EXOC4: variants seen among roughly 807,000 people sequenced by gnomAD.
EXOC4 encodes SEC8-like 1.
A neutral mutation model predicts 107.2 loss-of-function variants in EXOC4; 71 were observed. The ratio of observed to expected loss-of-function variants is 0.66; its 90% CI spans 0.55 to 0.81. EXOC4 has a LOEUF of 0.81. Ranked by LOEUF, EXOC4 falls within the 30% of genes least tolerant of loss-of-function variation. The pLI, the probability that EXOC4 is intolerant of heterozygous loss-of-function variation, is 0.00. For synonymous variants in EXOC4, 456 were observed against 441.2 expected, an observed-to-expected ratio of 1.03 and a Z score of -0.42; for missense variants, 1,108 against 1,189.6, an observed-to-expected ratio of 0.93 and a Z score of 1.01.
At chr7:133,503,508 T>C (rs1799613311) in intron 9 of EXOC4, among the ~76,000 whole-genome samples, 1 of 152,104 alleles carries the variant, frequency 6.6e-6, no homozygotes, top group African/African-American at 2.4e-5. Flanking sequence ...TGATGAAGAG[T>C]ATCTATCACT....
At chr7:133,591,956 A>T (rs1315375242) in intron 9 of EXOC4, among the ~76,000 whole-genome samples, 1 of 152,072 alleles carries the variant, frequency 6.6e-6, no homozygotes, top group African/African-American at 2.4e-5. Context: ...ATTTTTTTCC[A>T]CTCAGTACTC....
At chr7:133,507,742 A>C (rs1799692521) in intron 9 of EXOC4, among the ~76,000 whole-genome samples, 1 of 152,186 alleles carries the variant, frequency 6.6e-6, no homozygotes, top group Admixed American at 6.5e-5. Flanking sequence ...TGAAGTATAA[A>C]GTGTTAAGTT....
At chr7:134,020,297 G>A (rs906461442) in intron 17 of EXOC4, among the ~76,000 whole-genome samples, 2 of 152,146 alleles carry the variant, frequency 1.3e-5, no homozygotes, top group Non-Finnish European at 2.9e-5. Flanking sequence ...TAGGGCTTGG[G>A]CATCTGCGGC....
At chr7:133,624,333 C>T (rs546101572) in intron 9 of EXOC4, among the ~76,000 whole-genome samples, 1 of 152,196 alleles carries the variant, frequency 6.6e-6, no homozygotes, top group South Asian at 2.1e-4. Context: ...TGGGTACTCC[C>T]TACTACTTTG....
In EXOC4 at chr7:133,855,106, TATATATAA is replaced by T. The variant is rs1798335425; in HGVS notation, c.1734+37570_1734+37577del. Among the ~76,000 whole-genome samples the T allele has an allele frequency of 9.0e-5, 9 of 100,316 alleles. 1 individual carries two copies. The highest frequency in any genetic ancestry group is 1.9e-4 in the Admixed American group (2 of 10,298). The allele number at this position is 100,316 out of a possible 152,430, so 65.8% of individuals were successfully genotyped here. A position where few individuals can be genotyped will look rare whatever the true frequency, so the allele number is the denominator to read the frequency against. Reference sequence around the variant, plus strand: ...AAATATATATAAATATATATATAAATATATATAAATATATATATATAAATATATATATA... The same window carrying T: ...AAATATATATAAATATATATATAAATATATATATATATAAATATATATATA... On this transcript the variant is annotated intron_variant, in intron 11 of 17. Coordinates refer to ENST00000253861, the MANE Select transcript of EXOC4 (RefSeq NM_021807.4).
intron 11 of EXOC4, among the ~76,000 whole-genome samples, chr7:133,823,382 CAG>C (rs1797571462): frequency 6.6e-6 from 1 of 152,110 alleles, no homozygotes; most frequent in African/African-American, 2.4e-5. Flanking sequence ...ATTGGTTGCT[CAG>C]GGGTGGGGCG....
At chr7:133,402,460 G>A (rs1004723331) in intron 7 of EXOC4, among the ~76,000 whole-genome samples, 1 of 152,114 alleles carries the variant, frequency 6.6e-6, no homozygotes, top group African/African-American at 2.4e-5. Flanking sequence ...TTTAATTCAG[G>A]ATTTCTTGGG....
At chr7:133,672,930 C>G (rs914724865) in intron 10 of EXOC4, among the ~76,000 whole-genome samples, 1 of 152,140 alleles carries the variant, frequency 6.6e-6, no homozygotes, top group Non-Finnish European at 1.5e-5. Context: ...ATGGGTTACT[C>G]GATTAGCCTT....
At chr7:133,405,622 A>G (rs971016330) in intron 7 of EXOC4, among the ~76,000 whole-genome samples, 1 of 152,204 alleles carries the variant, frequency 6.6e-6, no homozygotes, top group Non-Finnish European at 1.5e-5. Context: ...GATAATTTCC[A>G]GGCTCCTCAG....
At chr7:133,324,147 CTT>C (rs1316760594) in intron 5 of EXOC4, among the ~76,000 whole-genome samples, 1 of 152,040 alleles carries the variant, frequency 6.6e-6, no homozygotes, top group Non-Finnish European at 1.5e-5. Flanking sequence ...TTTTGTTGGT[CTT>C]TTCAAAAAAT....
intron 10 of EXOC4, among the ~76,000 whole-genome samples, chr7:133,644,582 A>G (rs188610202): frequency 2.0e-5 from 3 of 152,284 alleles, no homozygotes; most frequent in Admixed American, 1.3e-4. Flanking sequence ...TGAAGGAGTC[A>G]TATTATTTCT....
chr7:134,057,783 C>A (rs1033182287), intron 17 of EXOC4, among the ~76,000 whole-genome samples: 1 of 151,964 alleles, frequency 6.6e-6, no homozygotes, highest in Admixed American at 6.6e-5. Context: ...AAGCAGGGGA[C>A]GCTGTAAAGG....
chr7:133,912,722 A>C (rs1296349847), intron 12 of EXOC4, among the ~76,000 whole-genome samples: 1 of 152,208 alleles, frequency 6.6e-6, no homozygotes, highest in Non-Finnish European at 1.5e-5. Flanking sequence ...CTGTCCTCAT[A>C]GAACTCATCA....
intron 17 of EXOC4, among the ~76,000 whole-genome samples, chr7:134,048,844 T>C (rs575461514): frequency 2.6e-5 from 4 of 152,212 alleles, no homozygotes; most frequent in Non-Finnish European, 5.9e-5. Context: ...GGAAACCTTC[T>C]AGAAGATTGG....
chr7:133,480,547 T>C, intron 9 of EXOC4: 1 of 663,682 alleles, frequency 1.5e-6, no homozygotes, highest in East Asian at 8.0e-5. Flanking sequence ...CCACTGTCAT[T>C]ATTTAAAGGG....
intron 10 of EXOC4, among the ~76,000 whole-genome samples, chr7:133,747,255 A>G (rs888549054): frequency 6.6e-6 from 1 of 152,192 alleles, no homozygotes; most frequent in African/African-American, 2.4e-5. Flanking sequence ...TTATTGCTCT[A>G]TATTAAGATC....
chr7:134,056,959 T>C (rs1403201752), intron 17 of EXOC4, among the ~76,000 whole-genome samples: 1 of 152,206 alleles, frequency 6.6e-6, no homozygotes, highest in Admixed American at 6.5e-5. Flanking sequence ...TGGCTGCTGC[T>C]GTCTATCAAA....
chr7:134,094,045 T>C, the EXOC4 span, among the ~76,000 whole-genome samples: 1 of 152,100 alleles, frequency 6.6e-6, no homozygotes, highest in Non-Finnish European at 1.5e-5. Flanking sequence ...ACCCCAGAGC[T>C]AGCAGAAGAA....
chr7:133,351,392 T>C (rs926469971), intron 5 of EXOC4, among the ~76,000 whole-genome samples: 4 of 152,012 alleles, frequency 2.6e-5, no homozygotes, highest in African/African-American at 9.7e-5. Flanking sequence ...TCTATTTGGA[T>C]TTTCTATTTC....
Sources: gnomAD v4.1 joint callset for allele counts (sites outside exome capture counted in the v4.1 genomes callset) on GRCh38, gnomAD v4.1.1 for gene constraint, MANE v1.5 for transcripts, NCBI Gene and HGNC (gene_info 2026-07-23, HGNC 2026-07-21) for gene names.